CCSER1: variants seen among roughly 807,000 people sequenced by gnomAD.
CCSER1 encodes serine-rich coiled-coil domain-containing protein 1.
Under a neutral mutation model 82.0 loss-of-function variants are expected in CCSER1, and 41 were observed. That is an observed-to-expected ratio of 0.50 (90% CI 0.39 to 0.65). The LOEUF (loss-of-function observed/expected upper bound fraction) is 0.65, where lower values mean the gene tolerates loss of function less well. Among genes scored for constraint, CCSER1 ranks in the 30% least tolerant of loss-of-function variants. The probability of loss-of-function intolerance (pLI) is 0.00; values close to 1 mark genes in which losing one functional copy is unlikely to be tolerated. For synonymous variants in CCSER1, 414 were observed against 383.9 expected (o/e 1.08, Z -0.92); for missense variants, 1,119 against 1,064.2 (o/e 1.05, Z -0.72).
intron 6 of CCSER1, among the ~76,000 whole-genome samples, chr4:90,699,230 G>A (rs1417567497): frequency 6.6e-6 from 1 of 152,110 alleles, no homozygotes; most frequent in Non-Finnish European, 1.5e-5. Context: ...TCAGGAAGTC[G>A]AGGCAGGTGA....
intron 10 of CCSER1, among the ~76,000 whole-genome samples, chr4:91,571,168 C>T (rs988386812): frequency 2.0e-5 from 3 of 152,190 alleles, no homozygotes; most frequent in Non-Finnish European, 4.4e-5. Context: ...TTCAACAAGT[C>T]TCTAGGAAGA....
intron 10 of CCSER1, among the ~76,000 whole-genome samples, chr4:91,173,321 G>A (rs942007716): frequency 2.6e-5 from 4 of 152,130 alleles, no homozygotes; most frequent in Non-Finnish European, 5.9e-5. Context: ...GGGGCCAGGC[G>A]CAGTGGTTCA....
intron 7 of CCSER1, chr4:90,781,282 T>G (rs1421696796): frequency 1.0e-6 from 1 of 985,098 alleles, no homozygotes; most frequent in African/African-American, 1.7e-5. Flanking sequence ...TTTTATTCTC[T>G]ACAGAAACAG....
chr4:90,224,378 A>G (rs999451471), intron 1 of CCSER1, among the ~76,000 whole-genome samples: 3 of 152,220 alleles, frequency 2.0e-5, no homozygotes. Context: ...ATAAAACAGC[A>G]GTTGTAATGG....
At chr4:90,875,644 C>T (rs6848010) in intron 8 of CCSER1, among the ~76,000 whole-genome samples, 5,861 of 152,178 alleles carry the variant, frequency 0.039, 367 homozygotes, top group African/African-American at 0.13. Context: ...CAATTATTCC[C>T]TAAGGTATTA....
At chr4:90,925,327 C>T (rs1168860731) in intron 9 of CCSER1, among the ~76,000 whole-genome samples, 1 of 152,016 alleles carries the variant, frequency 6.6e-6, no homozygotes, top group Non-Finnish European at 1.5e-5. Flanking sequence ...GGAGTCTAGT[C>T]TTTTATTTAA....
chr4:91,173,468 C>T (rs989541685), intron 10 of CCSER1, among the ~76,000 whole-genome samples: 4 of 152,070 alleles, frequency 2.6e-5, no homozygotes, highest in African/African-American at 7.2e-5. Context: ...GTGGCATGCG[C>T]CTATAGCCCC....
chr4:90,664,210 A>G (rs1297844801), intron 6 of CCSER1, among the ~76,000 whole-genome samples: 3 of 152,190 alleles, frequency 2.0e-5, no homozygotes, highest in Admixed American at 6.5e-5. Flanking sequence ...AATGTTTTCT[A>G]TGTGCTTCGT....
At chr4:91,182,984 TG>T (rs1321192833) in intron 10 of CCSER1, among the ~76,000 whole-genome samples, 2 of 152,212 alleles carry the variant, frequency 1.3e-5, no homozygotes, top group African/African-American at 2.4e-5. Context: ...GGCATTAACA[TG>T]GGTTAAATTG....
intron 10 of CCSER1, among the ~76,000 whole-genome samples, chr4:91,337,691 C>T (rs896253593): frequency 6.6e-6 from 1 of 152,032 alleles, no homozygotes; most frequent in African/African-American, 2.4e-5. Context: ...TCTCCTGTTC[C>T]CCAAGGCTTT....
At chr4:90,196,097 T>G in intron 1 of CCSER1, among the ~76,000 whole-genome samples, 1 of 119,672 alleles carries the variant, frequency 8.4e-6, no homozygotes, top group African/African-American at 3.8e-5. Context: ...CTTTCCTAGC[T>G]TTTTTTTTTT....
intron 7 of CCSER1, among the ~76,000 whole-genome samples, chr4:90,754,039 C>T (rs995042393): frequency 9.2e-5 from 14 of 152,110 alleles, no homozygotes; most frequent in African/African-American, 3.4e-4. Context: ...CCCTAACTGC[C>T]CTTCTAAAAT....
At chr4:90,355,489 A>G (rs893666205) in intron 3 of CCSER1, among the ~76,000 whole-genome samples, 1 of 151,998 alleles carries the variant, frequency 6.6e-6, no homozygotes, top group Non-Finnish European at 1.5e-5. Context: ...TGTAAGCATT[A>G]TGTATATAAA....
intron 10 of CCSER1, among the ~76,000 whole-genome samples, chr4:91,302,178 G>T (rs917483789): frequency 6.6e-6 from 1 of 151,908 alleles, no homozygotes; most frequent in African/African-American, 2.4e-5. Flanking sequence ...TTTGCATTTA[G>T]ATGCAATCAT....
intron 10 of CCSER1, among the ~76,000 whole-genome samples, chr4:91,479,624 G>T (rs1186031104): frequency 6.6e-6 from 1 of 151,202 alleles, no homozygotes; most frequent in Non-Finnish European, 1.5e-5. Flanking sequence ...GGTATGGTAA[G>T]ATGGAGATAC....
Position 90,497,500 on chromosome 4 carries a change from T to A in CCSER1, c.1724+29146T>A, listed in dbSNP as rs575182486. On this transcript the variant is annotated intron_variant, in intron 5 of 10. Coordinates refer to ENST00000509176, the MANE Select transcript of CCSER1 (RefSeq NM_001145065.2). ...AGAATAAAAACACATGTTTACAATA[T>A]ATTTTAGCTACAGAATTTTTATAGT... Among the ~76,000 whole-genome samples, 4 of 152,326 alleles carry A rather than the reference T, an allele frequency of 2.6e-5. No homozygotes were observed. The East Asian group carries it at 7.7e-4, about 29-fold the overall frequency.
intron 9 of CCSER1, among the ~76,000 whole-genome samples, chr4:91,012,352 C>A (rs962892935): frequency 1.5e-5 from 2 of 134,388 alleles, no homozygotes; most frequent in African/African-American, 5.0e-5. Flanking sequence ...GGCACTCTTT[C>A]CCCAGGCAGC....
At chr4:91,047,317 C>A (rs1742598493) in intron 9 of CCSER1, among the ~76,000 whole-genome samples, 1 of 152,036 alleles carries the variant, frequency 6.6e-6, no homozygotes, top group Non-Finnish European at 1.5e-5. Flanking sequence ...AGAATGATTT[C>A]CACTTAGCTT....
chr4:91,505,371 T>C (rs1186717284), intron 10 of CCSER1, among the ~76,000 whole-genome samples: 1 of 152,220 alleles, frequency 6.6e-6, no homozygotes, highest in East Asian at 1.9e-4. Context: ...TGATTCCATG[T>C]CTTTGCTAAT....
Sources: allele counts gnomAD v4.1 joint callset (sites outside exome capture counted in the v4.1 genomes callset), GRCh38; gene constraint gnomAD v4.1.1; transcripts MANE v1.5; gene names NCBI Gene and HGNC (gene_info 2026-07-23, HGNC 2026-07-21).